The following UPRT variants were observed in gnomAD, a reference collection of about 807,000 sequenced individuals.
UPRT encodes the protein uracil phosphoribosyltransferase homolog, also known as RP11-311P8.3.
In UPRT, 5 loss-of-function variants were observed where a neutral mutation model predicts 22.6. That is an observed-to-expected ratio of 0.22 (90% CI 0.12 to 0.47). The LOEUF is 0.47. Among genes scored for constraint, UPRT ranks in the 20% least tolerant of loss-of-function variants. The pLI is 0.99. For missense variants in UPRT, 181 were observed against 239.9 expected, an observed-to-expected ratio of 0.75 and a Z score of 1.62; for synonymous variants, 77 against 87.7, an observed-to-expected ratio of 0.88 and a Z score of 0.68.
intron 4 of UPRT, among the ~76,000 whole-genome samples, chrX:75,264,368 G>T (rs190462748): frequency 6.3e-3 from 704 of 111,546 alleles, no homozygotes; most frequent in Non-Finnish European, 9.8e-3. Flanking sequence ...AAGTCTCTTT[G>T]TAGGTCTCTA....
intron 4 of UPRT, among the ~76,000 whole-genome samples, chrX:75,210,460 G>C (rs1306300055): frequency 1.8e-5 from 2 of 110,819 alleles, no homozygotes; most frequent in African/African-American, 6.6e-5. Flanking sequence ...TAGGGAGAAG[G>C]GAACATGAGC....
intron 2 of UPRT, among the ~76,000 whole-genome samples, chrX:75,162,435 A>G (rs1458692785): frequency 9.0e-6 from 1 of 111,416 alleles, no homozygotes; most frequent in Non-Finnish European, 1.9e-5. Flanking sequence ...AGCTCTCAGA[A>G]CTCACTTCAA....
chrX:75,286,306 T>TGG (rs35193908), intron 1 of UPRT, among the ~76,000 whole-genome samples: 5,626 of 38,674 alleles, frequency 0.15, 645 homozygotes, highest in East Asian at 0.78. Context: ...CAAATTTACT[T>TGG]GGGGGGGGGG....
chrX:75,243,130 G>C (rs1336410826), intron 4 of UPRT, among the ~76,000 whole-genome samples: 1 of 111,080 alleles, frequency 9.0e-6, no homozygotes, highest in East Asian at 2.8e-4. Context: ...CAATTCTGCT[G>C]TTAGTATCTT....
At chrX:75,172,047 A>G (rs746760397) in intron 4 of UPRT, among the ~76,000 whole-genome samples, 2 of 111,909 alleles carry the variant, frequency 1.8e-5, no homozygotes, top group South Asian at 7.5e-4. Flanking sequence ...CACTATTTTT[A>G]TGCTCGTTGG....
chrX:75,166,055 G>A (rs1269355099), intron 3 of UPRT, among the ~76,000 whole-genome samples: 1 of 111,941 alleles, frequency 8.9e-6, no homozygotes, highest in Non-Finnish European at 1.9e-5. Flanking sequence ...TTTAAGTTTA[G>A]GATTTAAATA....
chrX:75,283,738 TCTTAA>T (rs2082668559), intron 1 of UPRT, among the ~76,000 whole-genome samples: 1 of 111,473 alleles, frequency 9.0e-6, no homozygotes, highest in African/African-American at 3.3e-5. Context: ...CTTTCCTTCA[TCTTAA>T]CTTTGGATAG....
At chrX:75,172,950 G>C (rs906905777) in intron 4 of UPRT, among the ~76,000 whole-genome samples, 4 of 111,276 alleles carry the variant, frequency 3.6e-5, no homozygotes, top group Non-Finnish European at 5.7e-5. Context: ...TGAGCGGGTT[G>C]CACTGCTGGC....
chrX:75,227,944 T>A (rs191703566), intron 4 of UPRT, among the ~76,000 whole-genome samples: 63 of 112,344 alleles, frequency 5.6e-4, no homozygotes, highest in African/African-American at 1.7e-3. Flanking sequence ...TTTATTTTTT[T>A]AAATAGTTTA....
At chrX:75,186,619 G>A (rs1014427228) in intron 4 of UPRT, among the ~76,000 whole-genome samples, 9 of 111,446 alleles carry the variant, frequency 8.1e-5, no homozygotes, top group African/African-American at 2.9e-4. Flanking sequence ...GTTGACAGTG[G>A]GGTGTTAAAA....
chrX:75,253,676 G>T (rs1375194321), intron 4 of UPRT, among the ~76,000 whole-genome samples: 1 of 111,965 alleles, frequency 8.9e-6, no homozygotes, highest in Non-Finnish European at 1.9e-5. Flanking sequence ...AACCTAAGAG[G>T]ACCCACAGAC....
chrX:75,266,816 A>C (rs961239814), intron 4 of UPRT, among the ~76,000 whole-genome samples: 20 of 112,067 alleles, frequency 1.8e-4, no homozygotes, highest in African/African-American at 5.5e-4. Flanking sequence ...ACATTTATGC[A>C]GCCAACAGAC....
intron 4 of UPRT, among the ~76,000 whole-genome samples, chrX:75,189,662 G>C (rs2082307889): frequency 8.9e-6 from 1 of 112,013 alleles, no homozygotes; most frequent in South Asian, 3.8e-4. Context: ...GAATCTGGGT[G>C]CTCCTGTATT....
At chrX:75,270,270 G>T (rs769540852), upstream of UPRT, among the ~76,000 whole-genome samples, 10 of 111,859 alleles carry the variant, frequency 8.9e-5, no homozygotes, top group Non-Finnish European at 1.9e-4. Flanking sequence ...TGCTGGAGAG[G>T]ATGTGGAGAA....
chrX:75,174,650 C>T (rs1035021521), intron 4 of UPRT, among the ~76,000 whole-genome samples: 1 of 112,065 alleles, frequency 8.9e-6, no homozygotes, highest in African/African-American at 3.3e-5. Context: ...GGTGTAGCGT[C>T]CTCCTTTTTC....
chrX:75,205,211 A>T (rs749227067), intron 4 of UPRT, among the ~76,000 whole-genome samples: 1 of 107,773 alleles, frequency 9.3e-6, no homozygotes, highest in South Asian at 4.3e-4. Flanking sequence ...TCTACTAAAA[A>T]TACAAAAAAT....
intron 4 of UPRT, among the ~76,000 whole-genome samples, chrX:75,185,400 A>C (rs1464965143): frequency 1.8e-5 from 2 of 111,725 alleles, no homozygotes; most frequent in Non-Finnish European, 3.8e-5. Flanking sequence ...AAGCTGTTTG[A>C]TGTGCTGCTG....
At chrX:75,168,355 C>T (rs912134735) in intron 4 of UPRT, among the ~76,000 whole-genome samples, 31 of 104,981 alleles carry the variant, frequency 3.0e-4, no homozygotes, top group African/African-American at 1.1e-3. Flanking sequence ...TGGAACACCT[C>T]ATCTCTTATT....
At chrX:75,241,293 A>T (rs1468000128) in intron 4 of UPRT, among the ~76,000 whole-genome samples, 1 of 111,849 alleles carries the variant, frequency 8.9e-6, no homozygotes, top group Admixed American at 9.5e-5. Flanking sequence ...CCAAAAGAAG[A>T]TATACAAATG....
Sources: allele counts gnomAD v4.1 joint callset (sites outside exome capture counted in the v4.1 genomes callset), GRCh38; gene constraint gnomAD v4.1.1; transcripts MANE v1.5; gene names NCBI Gene and HGNC (gene_info 2026-07-23, HGNC 2026-07-21).